PCDH15: variants seen among roughly 807,000 people sequenced by gnomAD.
PCDH15 encodes protocadherin related 15, also known as protocadherin-15.
PCDH15 carries 129 observed loss-of-function variants against 178.5 expected under a neutral mutation model. The ratio of observed to expected loss-of-function variants is 0.72; its 90% CI spans 0.63 to 0.84. PCDH15 has a LOEUF of 0.84. PCDH15 is among the 40% of genes least tolerant of loss of function. PCDH15 has a pLI of 0.00. For missense variants in PCDH15, 2,230 were observed against 2,099.9 expected, an observed-to-expected ratio of 1.06 and a Z score of -1.21; for synonymous variants, 800 against 732.0, an observed-to-expected ratio of 1.09 and a Z score of -1.50.
chr10:54,465,602 A>G (rs760338255), intron 3 of PCDH15, among the ~76,000 whole-genome samples: 3 of 151,918 alleles, frequency 2.0e-5, no homozygotes, highest in African/African-American at 2.4e-5. Flanking sequence ...ATAGTTTTTC[A>G]TTGTGTGCCA....
At chr10:54,372,522 T>C (rs1187118886) in intron 4 of PCDH15, among the ~76,000 whole-genome samples, 1 of 151,822 alleles carries the variant, frequency 6.6e-6, no homozygotes, top group Non-Finnish European at 1.5e-5. Context: ...TGTATTGGCA[T>C]AGATTCAATT....
chr10:54,120,458 G>T (rs1333525534), intron 15 of PCDH15, among the ~76,000 whole-genome samples: 1 of 152,040 alleles, frequency 6.6e-6, no homozygotes, highest in Non-Finnish European at 1.5e-5. Flanking sequence ...CCCTTAAAAG[G>T]CACAGAGTGG....
intron 13 of PCDH15, among the ~76,000 whole-genome samples, chr10:54,156,749 C>T (rs965022980): frequency 8.5e-5 from 13 of 152,198 alleles, no homozygotes; most frequent in Admixed American, 7.2e-4. Context: ...AGTCAAAAGT[C>T]CCTTCCACCT....
intron 20 of PCDH15, among the ~76,000 whole-genome samples, chr10:54,012,033 C>T (rs961478599): frequency 5.3e-5 from 8 of 152,022 alleles, no homozygotes; most frequent in East Asian, 1.9e-4. Flanking sequence ...ACCAAGGAAA[C>T]TAAGGATTAC....
intron 21 of PCDH15, among the ~76,000 whole-genome samples, chr10:53,979,749 T>C (rs924367508): frequency 6.6e-6 from 1 of 152,194 alleles, no homozygotes; most frequent in Non-Finnish European, 1.5e-5. Context: ...TGTGGTGCTA[T>C]TAAACGGAGG....
intron 2 of PCDH15, among the ~76,000 whole-genome samples, chr10:55,379,454 G>T (rs1837481495): frequency 6.6e-6 from 1 of 151,926 alleles, no homozygotes; most frequent in Non-Finnish European, 1.5e-5. Context: ...TATTTATTTT[G>T]TACTTTATTA....
chr10:55,485,599 A>C (rs1285416117), intron 2 of PCDH15, among the ~76,000 whole-genome samples: 1 of 151,648 alleles, frequency 6.6e-6, no homozygotes, highest in Non-Finnish European at 1.5e-5. Context: ...TTCCTCAAAA[A>C]ATTAAGTATG....
chr10:54,561,811 C>T (rs901725079), intron 2 of PCDH15, among the ~76,000 whole-genome samples: 10 of 151,522 alleles, frequency 6.6e-5, no homozygotes. Flanking sequence ...TTCTGATTTA[C>T]AAAATGAAAA....
intron 26 of PCDH15, among the ~76,000 whole-genome samples, chr10:53,869,448 A>T (rs1432621750): frequency 6.6e-6 from 1 of 152,170 alleles, no homozygotes; most frequent in East Asian, 1.9e-4. Context: ...ATTTGGGCCT[A>T]ATGTCAGATC....
intron 3 of PCDH15, among the ~76,000 whole-genome samples, chr10:54,515,664 G>C (rs1203818899): frequency 2.6e-5 from 4 of 152,238 alleles, no homozygotes; most frequent in Non-Finnish European, 4.4e-5. Context: ...GGAGATCTGA[G>C]AATGGGCAGA....
chr10:55,137,676 A>G (rs896496964), intron 2 of PCDH15, among the ~76,000 whole-genome samples: 2 of 152,182 alleles, frequency 1.3e-5, no homozygotes, highest in South Asian at 2.1e-4. Flanking sequence ...ATTAACAAAT[A>G]TTATATGTTA....
chr10:55,609,036 A>ACG (rs1843298748), intron 2 of PCDH15, among the ~76,000 whole-genome samples: 1 of 151,794 alleles, frequency 6.6e-6, no homozygotes, highest in East Asian at 1.9e-4. Flanking sequence ...ACACACACAC[A>ACG]CACACACACG....
chr10:55,489,366 A>G (rs1302375568), intron 2 of PCDH15, among the ~76,000 whole-genome samples: 2 of 151,596 alleles, frequency 1.3e-5, no homozygotes, highest in African/African-American at 2.4e-5. Flanking sequence ...TATACCATAA[A>G]ATTTTATTTA....
chr10:54,412,830 T>C (rs935046944), intron 3 of PCDH15, among the ~76,000 whole-genome samples: 6 of 152,196 alleles, frequency 3.9e-5, no homozygotes, highest in African/African-American at 1.4e-4. Context: ...CAAGGGATTC[T>C]CCTGCCTCAG....
At chr10:55,047,722 C>T (rs1436091183) in intron 2 of PCDH15, among the ~76,000 whole-genome samples, 1 of 151,648 alleles carries the variant, frequency 6.6e-6, no homozygotes, top group East Asian at 1.9e-4. Flanking sequence ...AATTCCCCTA[C>T]TTTCCAAAAA....
At chr10:54,184,810 A>T (rs2048341235) in intron 12 of PCDH15, among the ~76,000 whole-genome samples, 1 of 152,182 alleles carries the variant, frequency 6.6e-6, no homozygotes, top group South Asian at 2.1e-4. Flanking sequence ...AACAACAACA[A>T]AAAAGGTTAG....
At chr10:55,109,952 A>G (rs1837454760) in intron 2 of PCDH15, among the ~76,000 whole-genome samples, 1 of 151,748 alleles carries the variant, frequency 6.6e-6, no homozygotes, top group Non-Finnish European at 1.5e-5. Context: ...ACTTATTAAG[A>G]GATAAACAGT....
At chr10:55,027,790 G>T (rs1230146502) in intron 2 of PCDH15, among the ~76,000 whole-genome samples, 4 of 151,684 alleles carry the variant, frequency 2.6e-5, no homozygotes, top group African/African-American at 9.7e-5. Flanking sequence ...ATTTACCATA[G>T]CACGTGTATC....
chr10:53,998,276 A>G (rs1300915650), intron 20 of PCDH15, among the ~76,000 whole-genome samples: 2 of 152,174 alleles, frequency 1.3e-5, no homozygotes, highest in Non-Finnish European at 2.9e-5. Flanking sequence ...AATAGTTTTA[A>G]TGCTTCAAAA....
Sources: gnomAD v4.1 joint callset for allele counts (sites outside exome capture counted in the v4.1 genomes callset) on GRCh38, gnomAD v4.1.1 for gene constraint, MANE v1.5 for transcripts, NCBI Gene and HGNC (gene_info 2026-07-23, HGNC 2026-07-21) for gene names.